MAP3K4: variants seen among roughly 807,000 people sequenced by gnomAD.
MAP3K4 encodes the protein mitogen-activated protein kinase kinase kinase 4, also known as MAP three kinase 1.
Under a neutral mutation model 185.6 loss-of-function variants are expected in MAP3K4, and 67 were observed. The ratio of observed to expected loss-of-function variants is 0.36; its 90% CI spans 0.30 to 0.44. MAP3K4 has a LOEUF of 0.44. Among genes scored for constraint, MAP3K4 ranks in the 20% least tolerant of loss-of-function variants. The pLI, the probability that MAP3K4 is intolerant of heterozygous loss-of-function variation, is 1.00. For missense variants in MAP3K4, 1,551 were observed against 1,995.1 expected, an observed-to-expected ratio of 0.78 and a Z score of 4.24; for synonymous variants, 702 against 710.4, an observed-to-expected ratio of 0.99 and a Z score of 0.19.
At chr6:161,027,340 A>G (rs903279318) in intron 1 of MAP3K4, among the ~76,000 whole-genome samples, 1 of 152,186 alleles carries the variant, frequency 6.6e-6, no homozygotes, top group African/African-American at 2.4e-5. Context: ...ACTATTATAC[A>G]AATCTATGAA....
Position 161,115,309 on chromosome 6 carries a change from C to G in MAP3K4, c.4806+7C>G, listed in dbSNP as rs1227720741. ...CGACCATTCGTTTGTCAAGGTTTGG[C>G]AGATTACTGGATAGTCTTTTTCATG... On this transcript the variant is annotated splice_region_variant and intron_variant, in intron 26 of 26. Transcript: ENST00000392142. This position sits in a 1 kb window ranked among gnomAD's most constrained non-coding sequence, Gnocchi z 6.0. The G allele has an allele frequency of 1.9e-6, 3 of 1,610,026 alleles. No individual in the cohort carries two copies. The highest frequency in any genetic ancestry group is 1.3e-5 in the African/African-American group (1 of 74,808).
Position 161,074,652 on chromosome 6 carries a change from G to A in MAP3K4, c.2097+1040G>A, listed in dbSNP as rs1004404288. Among the ~76,000 whole-genome samples the A allele has an allele frequency of 6.6e-6, 1 of 152,192 alleles. No homozygotes were observed. Among genetic ancestry groups the A allele is most frequent in the Admixed American group, 6.5e-5 (1 of 15,288 alleles). On this transcript the variant is annotated intron_variant, in intron 5 of 26. Coordinates refer to ENST00000392142, the MANE Select transcript of MAP3K4 (RefSeq NM_005922.4). The surrounding 1 kb of genome is among the most constrained non-coding windows in gnomAD (Gnocchi z 5.0). ...TAGTATCTGATAGTGTTCATGTATC[G>A]TAAGTACACGTTAGATTCATTAGGG...
At chr6:161,026,425 G>A (rs113215858) in intron 1 of MAP3K4, among the ~76,000 whole-genome samples, 129 of 152,130 alleles carry the variant, frequency 8.5e-4, no homozygotes, top group South Asian at 6.0e-3. Flanking sequence ...ATGAGCCACC[G>A]TGCCCGGTCA....
intron 2 of MAP3K4, among the ~76,000 whole-genome samples, chr6:161,044,252 T>C (rs1319188958): frequency 6.6e-6 from 1 of 152,222 alleles, no homozygotes; most frequent in Admixed American, 6.5e-5. Flanking sequence ...ATTTTTGTAG[T>C]CCTGTAATTA....
At chr6:161,028,263 A>T (rs1782763874) in intron 1 of MAP3K4, among the ~76,000 whole-genome samples, 2 of 151,232 alleles carry the variant, frequency 1.3e-5, no homozygotes, top group Admixed American at 1.3e-4. Flanking sequence ...CTGTCCAAGC[A>T]CAAGTTCCAG....
rs989396737 is a variant in MAP3K4 at position 161,114,509 on chromosome 6, TG to T, written c.4627-613del. On this transcript the variant is annotated intron_variant, in intron 25 of 26. Coordinates refer to ENST00000392142, the MANE Select transcript of MAP3K4 (RefSeq NM_005922.4). The surrounding 1 kb of genome is among the most constrained non-coding windows in gnomAD (Gnocchi z 4.3). ...TAGCATTAAAATAGAAAGGCAGTTGTGATATCTGTGTTATTCCAGTAAAGCC... is the reference window on the plus strand; with the variant it reads ...TAGCATTAAAATAGAAAGGCAGTTGTATATCTGTGTTATTCCAGTAAAGCC... Among the ~76,000 whole-genome samples the T allele has an allele frequency of 5.9e-5, 9 of 152,214 alleles. No individual in the cohort carries two copies. The highest frequency in any genetic ancestry group is 2.2e-4 in the African/African-American group (9 of 41,460).
intron 2 of MAP3K4, among the ~76,000 whole-genome samples, chr6:161,047,388 C>T (rs1353516421): frequency 6.6e-6 from 1 of 151,576 alleles, no homozygotes; most frequent in Non-Finnish European, 1.5e-5. Flanking sequence ...TGCACTCCAG[C>T]CTGTCTCAGA....
chr6:161,020,641 G>C (rs1479173541), intron 1 of MAP3K4, among the ~76,000 whole-genome samples: 4 of 145,768 alleles, frequency 2.7e-5, no homozygotes, highest in Non-Finnish European at 4.5e-5. Context: ...CTGGGTGACA[G>C]AGTGAGACTC....
rs1165360554 is a variant in MAP3K4 at position 161,073,865 on chromosome 6, A to T, written c.2097+253A>T. Among the ~76,000 whole-genome samples, 1 of 152,196 alleles carries T rather than the reference A, an allele frequency of 6.6e-6. No homozygotes were observed. On this transcript the variant is annotated intron_variant, in intron 5 of 26. Coordinates refer to ENST00000392142, the MANE Select transcript of MAP3K4 (RefSeq NM_005922.4). The surrounding 1 kb of genome is among the most constrained non-coding windows in gnomAD (Gnocchi z 4.2). Reference sequence around the variant, plus strand: ...ATTTGTTTCTCTGAAATCCACATTTAAAAAATTCTCAATTGTTTTTAAGTT... The same window carrying T: ...ATTTGTTTCTCTGAAATCCACATTTTAAAAATTCTCAATTGTTTTTAAGTT...
chr6:161,043,950 A>G lies in MAP3K4; in HGVS notation c.344-4666A>G, dbSNP rs1394136532. Among the ~76,000 whole-genome samples, 1 of 152,234 alleles carries G rather than the reference A, an allele frequency of 6.6e-6. No homozygotes were observed. Among genetic ancestry groups the G allele is most frequent in the African/African-American group, 2.4e-5 (1 of 41,464 alleles). On this transcript the variant is annotated intron_variant, in intron 2 of 26. Coordinates refer to ENST00000392142, the MANE Select transcript of MAP3K4 (RefSeq NM_005922.4). This position sits in a 1 kb window ranked among gnomAD's most constrained non-coding sequence, Gnocchi z 4.3. Reference sequence around the variant, plus strand: ...TTGCAAGAGTTTGATTAAAAATACAATTAATACATATTCTAAAGAGCCATT... The same window carrying G: ...TTGCAAGAGTTTGATTAAAAATACAGTTAATACATATTCTAAAGAGCCATT...
At chr6:161,060,618 CTTTTTTTTT>C (rs35196179) in intron 3 of MAP3K4, among the ~76,000 whole-genome samples, 1 of 126,414 alleles carries the variant, frequency 7.9e-6, no homozygotes, top group East Asian at 2.2e-4. Context: ...TTTTCTTTTT[CTTTTTTTTT>C]TTTTTTTTTT....
At chr6:161,060,865 C>T (rs967550112) in intron 3 of MAP3K4, among the ~76,000 whole-genome samples, 22 of 152,094 alleles carry the variant, frequency 1.4e-4, no homozygotes, top group Admixed American at 8.5e-4. Flanking sequence ...AGTGATCTGC[C>T]GGCCTCGGCC....
chr6:161,034,563 T>A lies in MAP3K4; in HGVS notation c.343+114T>A. 3 of 787,420 alleles carry A rather than the reference T, an allele frequency of 3.8e-6. No homozygotes were observed. The highest frequency in any genetic ancestry group is 5.3e-6 in the Non-Finnish European group (3 of 563,048). 48.8% of individuals were successfully genotyped at this position (787,420 alleles called of 1,614,324 possible). On this transcript the variant is annotated intron_variant, in intron 2 of 26. Coordinates refer to ENST00000392142, the MANE Select transcript of MAP3K4 (RefSeq NM_005922.4). The surrounding 1 kb of genome is among the most constrained non-coding windows in gnomAD (Gnocchi z 4.4). Reference sequence around the variant, plus strand: ...TTTTAATTTGATTTTAATGCTCCTGTAAAGTTCAATTTTTTTTTGAATTAT... The same window carrying A: ...TTTTAATTTGATTTTAATGCTCCTGAAAAGTTCAATTTTTTTTTGAATTAT...
rs1209525248 is a variant in MAP3K4 at position 161,077,090 on chromosome 6, C to T, written c.2097+3478C>T. Reference sequence around the variant, plus strand: ...TCCAGTTTAGGTAACAGATGAAAAACGTAGACCAAACAATACTATATATTG... The same window carrying T: ...TCCAGTTTAGGTAACAGATGAAAAATGTAGACCAAACAATACTATATATTG... On this transcript the variant is annotated intron_variant, in intron 5 of 26. Coordinates refer to ENST00000392142, the MANE Select transcript of MAP3K4 (RefSeq NM_005922.4). The surrounding 1 kb of genome is among the most constrained non-coding windows in gnomAD (Gnocchi z 4.3). 3.9e-5 allele frequency among the ~76,000 whole-genome samples: 6 copies of T among 152,002 alleles called. No homozygotes were observed. The highest frequency in any genetic ancestry group is 1.5e-4 in the African/African-American group (6 of 41,378).
At chr6:161,060,033 G>T (rs1052628344) in intron 3 of MAP3K4, among the ~76,000 whole-genome samples, 2 of 152,022 alleles carry the variant, frequency 1.3e-5, no homozygotes, top group African/African-American at 4.8e-5. Flanking sequence ...TTGGTTGGTT[G>T]TATTAACACT....
chr6:161,037,505 G>A lies in MAP3K4; in HGVS notation c.343+3056G>A, dbSNP rs1031249513. 1.3e-5 allele frequency among the ~76,000 whole-genome samples: 2 copies of A among 152,080 alleles called. No homozygotes were observed. The highest frequency in any genetic ancestry group is 2.4e-5 in the African/African-American group (1 of 41,408). On this transcript the variant is annotated intron_variant, in intron 2 of 26. Transcript: ENST00000392142. This position sits in a 1 kb window ranked among gnomAD's most constrained non-coding sequence, Gnocchi z 4.2. ...GCGATCTCAGCTCACTGCAACCTCC[G>A]CCTCCTGGGTTCAAGCAATTCTCCT...
chr6:161,005,212 C>T (rs1781526696), intron 1 of MAP3K4, among the ~76,000 whole-genome samples: 1 of 151,018 alleles, frequency 6.6e-6, no homozygotes, highest in South Asian at 2.1e-4. Flanking sequence ...CATCATGGCT[C>T]ACTGCAGCCT....
At chr6:161,040,406 A>G (rs1783397426) in intron 2 of MAP3K4, among the ~76,000 whole-genome samples, 1 of 151,940 alleles carries the variant, frequency 6.6e-6, no homozygotes, top group Non-Finnish European at 1.5e-5. Context: ...AACTATTTAG[A>G]AAACGTGAGG....
In MAP3K4 at chr6:161,071,964, G is replaced by T. The variant is rs1369495683; in HGVS notation, c.1950+1114G>T. 6.6e-6 allele frequency among the ~76,000 whole-genome samples: 1 copy of T among 152,162 alleles called. No individual in the cohort carries two copies. Among genetic ancestry groups the T allele is most frequent in the African/African-American group, 2.4e-5 (1 of 41,436 alleles). On this transcript the variant is annotated intron_variant, in intron 4 of 26. Transcript: ENST00000392142. This position sits in a 1 kb window ranked among gnomAD's most constrained non-coding sequence, Gnocchi z 4.6. ...GTGGAGTTTATCTTTTGTTGATGGG[G>T]CTATTGTGAGGACTAAATAGTAATG...
Sources: allele counts gnomAD v4.1 joint callset (sites outside exome capture counted in the v4.1 genomes callset), GRCh38; gene constraint gnomAD v4.1.1; non-coding constraint Gnocchi (gnomAD v3.1); transcripts MANE v1.5; gene names NCBI Gene and HGNC (gene_info 2026-07-23, HGNC 2026-07-21).